SLC10A7: variants seen among roughly 807,000 people sequenced by gnomAD.
The protein encoded by SLC10A7 is solute carrier family 10 member 7.
Under a neutral mutation model 43.2 loss-of-function variants are expected in SLC10A7, and 29 were observed. That is an observed-to-expected ratio of 0.67 (90% confidence interval 0.50 to 0.92). SLC10A7 has a LOEUF of 0.92. SLC10A7 is among the 40% of genes least tolerant of loss of function. The pLI, the probability that SLC10A7 is intolerant of heterozygous loss-of-function variation, is 0.00. For synonymous variants in SLC10A7, 152 were observed against 144.8 expected (o/e 1.05, Z -0.35); for missense variants, 295 against 403.2 (o/e 0.73, Z 2.30).
intron 5 of SLC10A7, among the ~76,000 whole-genome samples, chr4:146,405,239 A>G (rs540931853): frequency 6.6e-6 from 1 of 152,280 alleles, no homozygotes; most frequent in South Asian, 2.1e-4. Flanking sequence ...ATCTTGGTCC[A>G]TATTCATCTT....
At chr4:146,369,913 C>A (rs1408820204) in intron 5 of SLC10A7, among the ~76,000 whole-genome samples, 1 of 151,986 alleles carries the variant, frequency 6.6e-6, no homozygotes, top group Non-Finnish European at 1.5e-5. Context: ...AAATAAAAAA[C>A]CTTGGAATTC....
At chr4:146,353,594 T>C (rs1450662358) in intron 5 of SLC10A7, among the ~76,000 whole-genome samples, 27 of 40,214 alleles carry the variant, frequency 6.7e-4, no homozygotes, top group African/African-American at 2.7e-3. Context: ...AAAAAGAGAA[T>C]TTTAGACCAA....
chr4:146,317,767 A>G (rs1732423228), intron 6 of SLC10A7, among the ~76,000 whole-genome samples: 1 of 151,892 alleles, frequency 6.6e-6, no homozygotes, highest in African/African-American at 2.4e-5. Flanking sequence ...TTTTGGCTCC[A>G]GGACCTATAC....
chr4:146,439,237 C>A (rs183048373), intron 5 of SLC10A7, among the ~76,000 whole-genome samples: 29 of 151,960 alleles, frequency 1.9e-4, no homozygotes, highest in Admixed American at 1.8e-3. Flanking sequence ...ACAAAAACAG[C>A]GTTCTATAAT....
intron 4 of SLC10A7, among the ~76,000 whole-genome samples, chr4:146,485,312 T>C (rs1734817409): frequency 6.6e-6 from 1 of 152,138 alleles, no homozygotes; most frequent in South Asian, 2.1e-4. Flanking sequence ...CTGCAGTGAT[T>C]CATTTTGAGG....
At chr4:146,313,589 T>C (rs1179669114) in intron 6 of SLC10A7, among the ~76,000 whole-genome samples, 3 of 152,126 alleles carry the variant, frequency 2.0e-5, no homozygotes, top group Admixed American at 2.0e-4. Flanking sequence ...CCATTAATTA[T>C]GCAACCATAA....
At chr4:146,397,982 G>T (rs138971454) in intron 5 of SLC10A7, among the ~76,000 whole-genome samples, 2 of 152,164 alleles carry the variant, frequency 1.3e-5, no homozygotes, top group African/African-American at 4.8e-5. Flanking sequence ...AGCAAAGTTC[G>T]CTCTTCAGGC....
At chr4:146,304,851 G>A (rs931902718) in intron 7 of SLC10A7, among the ~76,000 whole-genome samples, 122 of 152,186 alleles carry the variant, frequency 8.0e-4, no homozygotes, top group African/African-American at 2.7e-3. Flanking sequence ...ACAGTGGGGC[G>A]TTAAAGTCTC....
At chr4:146,489,877 T>A (rs1735238913) in intron 4 of SLC10A7, among the ~76,000 whole-genome samples, 1 of 152,160 alleles carries the variant, frequency 6.6e-6, no homozygotes, top group Non-Finnish European at 1.5e-5. Flanking sequence ...CCCTTTATTA[T>A]CAGTTAAGCC....
At chr4:146,443,170 T>G (rs1287488603) in intron 4 of SLC10A7, among the ~76,000 whole-genome samples, 1 of 152,088 alleles carries the variant, frequency 6.6e-6, no homozygotes, top group Non-Finnish European at 1.5e-5. Flanking sequence ...TTGATTTATT[T>G]GTTTAAAAAT....
At chr4:146,517,825 T>G (rs1198656494) in intron 1 of SLC10A7, among the ~76,000 whole-genome samples, 1 of 152,174 alleles carries the variant, frequency 6.6e-6, no homozygotes, top group African/African-American at 2.4e-5. Flanking sequence ...CAAATATTAT[T>G]TCATTTCTTC....
chr4:146,258,582 A>T, intron 11 of SLC10A7, 110 bp downstream of exon 11: 2 of 978,326 alleles, frequency 2.0e-6, no homozygotes, highest in Non-Finnish European at 2.9e-6. Context: ...GAAAATATGT[A>T]CTTGAAAACA....
At chr4:146,367,007 G>GT (rs72426352) in intron 5 of SLC10A7, among the ~76,000 whole-genome samples, 10,726 of 148,534 alleles carry the variant, frequency 0.072, 443 homozygotes, top group South Asian at 0.18. Flanking sequence ...TTGTTTTTTT[G>GT]TTTTTTTTTG....
At chr4:146,376,535 T>C (rs1246046132) in intron 5 of SLC10A7, among the ~76,000 whole-genome samples, 4 of 151,900 alleles carry the variant, frequency 2.6e-5, no homozygotes, top group Admixed American at 2.0e-4. Flanking sequence ...CATCTTAACA[T>C]TGAGAAGAGT....
At chr4:146,353,472 G>A (rs1312328666) in intron 5 of SLC10A7, among the ~76,000 whole-genome samples, 5 of 135,592 alleles carry the variant, frequency 3.7e-5, no homozygotes, top group Non-Finnish European at 7.8e-5. Flanking sequence ...GGAGGAACTG[G>A]TACCATTCCT....
At chr4:146,302,971 A>C (rs975202376) in intron 7 of SLC10A7, among the ~76,000 whole-genome samples, 11 of 152,164 alleles carry the variant, frequency 7.2e-5, no homozygotes, top group Admixed American at 5.9e-4. Flanking sequence ...CCACAGCTGC[A>C]GGGAGTGTTA....
chr4:146,378,349 A>G (rs1384747032), intron 5 of SLC10A7, among the ~76,000 whole-genome samples: 3 of 152,184 alleles, frequency 2.0e-5, no homozygotes, highest in Non-Finnish European at 2.9e-5. Context: ...TCTGGTCTTA[A>G]ATAAAAAACA....
chr4:146,482,215 A>G (rs1257800448), intron 4 of SLC10A7, among the ~76,000 whole-genome samples: 1 of 152,222 alleles, frequency 6.6e-6, no homozygotes. Flanking sequence ...TGAAAAAATA[A>G]GGAAGAATGA....
intron 4 of SLC10A7, among the ~76,000 whole-genome samples, chr4:146,456,452 T>G (rs1239211533): frequency 6.6e-6 from 1 of 151,924 alleles, no homozygotes; most frequent in East Asian, 1.9e-4. Context: ...AGACAGCAGT[T>G]GCACTTCAAG....
Sources: gnomAD v4.1 joint callset for allele counts (sites outside exome capture counted in the v4.1 genomes callset) on GRCh38, gnomAD v4.1.1 for gene constraint, MANE v1.5 for transcripts, NCBI Gene and HGNC (gene_info 2026-07-23, HGNC 2026-07-21) for gene names.